Variants in ATP13A2 observed in about 807,000 individuals in gnomAD.
The protein encoded by ATP13A2 is ATPase cation transporting 13A2, also known as polyamine-transporting ATPase 13A2.
In ATP13A2, 83 loss-of-function variants were observed where a neutral mutation model predicts 138.3. That is an observed-to-expected ratio of 0.60 (90% CI 0.50 to 0.72). The LOEUF is 0.72. ATP13A2 is among the 30% of genes least tolerant of loss of function. The pLI is 0.00. For missense variants in ATP13A2, 1,402 were observed against 1,606.4 expected (o/e 0.87, Z 2.17); for synonymous variants, 663 against 699.0 (o/e 0.95, Z 0.81).
In ATP13A2 at chr1:16,986,881, C is replaced by T; in HGVS notation, c.3159G>A (p.Leu1053=). 6.2e-7 allele frequency: 1 copy of T among 1,614,048 alleles called. No homozygotes were observed. Residue 1053 remains leucine, a synonymous_variant, in exon 27 of 29, where the codon CTG becomes CTA. Transcript: ENST00000326735. The surrounding 1 kb of genome is among the most constrained non-coding windows in gnomAD (Gnocchi z 6.9). ...CCAGGATGAGGTACTGGAAGCTGGA[C>T]AGAGAGAAGACCACGGTGTTCTCGT... ...PNYENTVVFS[L]SSFQYLILAA...
At chr1:17,005,331 C>T (rs895814748) in intron 3 of ATP13A2, 43 bp downstream of exon 3, 75 of 1,561,450 alleles carry the variant, frequency 4.8e-5, no homozygotes, top group Non-Finnish European at 6.5e-5. Context: ...CGACCCTGAC[C>T]CTCACTGCGC....
chr1:16,989,853 C>G (rs758449038), intron 22 of ATP13A2, 34 bp downstream of exon 22: 1 of 1,608,876 alleles, frequency 6.2e-7, no homozygotes, highest in Non-Finnish European at 8.5e-7. Flanking sequence ...GCAGGGGAGG[C>G]GCAGGGCGGC....
chr1:17,005,439 G>GCCGCAC lies in ATP13A2; in HGVS notation c.217_222dup (p.Val73_Arg74dup). 1.2e-6 allele frequency: 2 copies of GCCGCAC among 1,614,008 alleles called. No homozygotes were observed. Among genetic ancestry groups the GCCGCAC allele is most frequent in the Non-Finnish European group, 1.7e-6 (2 of 1,179,974 alleles). On this transcript the variant is annotated inframe_insertion, in exon 3 of 29. Transcript: ENST00000326735. ...GCCAGGTTGCAGGGCCGGAGCCGCA[G>GCCGCAC]CCGCACCCCCCACAGGGGCTTCCAA...
intron 1 of ATP13A2, among the ~76,000 whole-genome samples, chr1:17,009,032 G>C (rs2077676939): frequency 6.6e-6 from 1 of 151,822 alleles, no homozygotes; most frequent in Middle Eastern, 3.4e-3. Flanking sequence ...CATCCCTGCG[G>C]TGCTGATTTG....
intron 20 of ATP13A2, 64 bp from the exon 21 acceptor site, chr1:16,990,351 C>T: frequency 6.3e-7 from 1 of 1,591,468 alleles, no homozygotes; most frequent in Middle Eastern, 2.0e-4. Flanking sequence ...CATCCTGATC[C>T]TTACAGATGG....
chr1:16,992,627 CAG>C (rs1214119523), intron 16 of ATP13A2, 46 bp from the exon 17 acceptor site: 4 of 1,597,724 alleles, frequency 2.5e-6, no homozygotes, highest in African/African-American at 1.3e-5. Flanking sequence ...CTTTGGCTCA[CAG>C]AGAGATTTGA....
In ATP13A2 at chr1:16,987,074, C is replaced by A. The variant is rs765075611; in HGVS notation, c.3055G>T (p.Gly1019Cys). 2 of 1,613,302 alleles carry A rather than the reference C, an allele frequency of 1.2e-6. No individual in the cohort carries two copies. The highest frequency in any genetic ancestry group is 2.2e-5 in the East Asian group (1 of 44,876). The change falls in exon 26 of 29, where the codon GGC (glycine) becomes TGC (cysteine). Residue 1019 changes from glycine (G) to cysteine (C), a missense_variant. Transcript: ENST00000326735. ...MVLVTGVQLG[G>C]YFLTLAQPWF... ...GGCTGGGCCAGGGTCAGGAAGTAGC[C>A]CCCTAGCTGCACGCCGGTCACCAGG...
chr1:17,003,585 CCACA>C (rs540533484), intron 6 of ATP13A2, among the ~76,000 whole-genome samples: 1,602 of 133,012 alleles, frequency 0.012, 13 homozygotes, highest in African/African-American at 0.022. Context: ...ACCAAAAAAA[CCACA>C]CACACACACA....
rs1358082680 is a variant in ATP13A2, at chr1:17,002,338, T to C, written c.593A>G (p.His198Arg). 5.6e-6 allele frequency: 9 copies of C among 1,613,100 alleles called. No individual in the cohort carries two copies. Among genetic ancestry groups the C allele is most frequent in the Non-Finnish European group, 7.6e-6 (9 of 1,179,760 alleles). Reference sequence around the variant, plus strand: ...GAGGCTGAGGCCATGGCGGGAGCGGTGGACGTCGTCACAAGAGCGGCCATG... The same window carrying C: ...GAGGCTGAGGCCATGGCGGGAGCGGCGGACGTCGTCACAAGAGCGGCCATG... ...LDHGRSCDDV[H>R]RSRHGLSLQD... The change falls in exon 7 of 29, where the codon CAC becomes CGC. Residue 198 changes from histidine (H) to arginine (R), a missense_variant. Coordinates refer to ENST00000326735, the MANE Select transcript of ATP13A2 (RefSeq NM_022089.4).
At chr1:16,994,935 T>G (rs969663058) in intron 15 of ATP13A2, among the ~76,000 whole-genome samples, 1 of 152,102 alleles carries the variant, frequency 6.6e-6, no homozygotes, top group Non-Finnish European at 1.5e-5. Context: ...GTGCCGGGAT[T>G]CCAGGCATGA....
chr1:16,990,010 G>T lies in ATP13A2; in HGVS notation c.2413-7C>A. 6.2e-7 allele frequency: 1 copy of T among 1,612,364 alleles called. No individual in the cohort carries two copies. The highest frequency in any genetic ancestry group is 8.5e-7 in the Non-Finnish European group (1 of 1,179,132). Reference sequence around the variant, plus strand: ...TTGCAGCCTGGTCAGGATCCTGGGGGCCCAGGAAGCTCAGCTTAGCTCCCC... The same window carrying T: ...TTGCAGCCTGGTCAGGATCCTGGGGTCCCAGGAAGCTCAGCTTAGCTCCCC... On this transcript the variant is annotated splice_region_variant and splice_polypyrimidine_tract_variant and intron_variant, in intron 21 of 28. Coordinates refer to ENST00000326735, the MANE Select transcript of ATP13A2 (RefSeq NM_022089.4).
At chr1:16,994,455 A>G (rs765526900) in intron 15 of ATP13A2, among the ~76,000 whole-genome samples, 6 of 151,570 alleles carry the variant, frequency 4.0e-5, no homozygotes, top group Non-Finnish European at 8.8e-5. Flanking sequence ...CTGGTCTCGA[A>G]CTCCCGACCT....
In ATP13A2 at chr1:16,996,452, G is replaced by A. The variant is rs1311493154; in HGVS notation, c.1240C>T (p.Pro414Ser). 1.2e-6 allele frequency: 2 copies of A among 1,613,988 alleles called. No individual in the cohort carries two copies. Among genetic ancestry groups the A allele is most frequent in the African/African-American group, 2.7e-5 (2 of 74,904 alleles). ...TAGAACTTGAAGTTGATGGGCCGGG[G>A]GTGCAAGATGGAGCTCACCAGGCCC... Reference protein sequence around the residue: ...KGGLVSSILHPRPINFKFYKH... With the variant: ...KGGLVSSILHSRPINFKFYKH... Residue 414 changes from proline to serine, a missense_variant, in exon 13 of 29, where the codon CCC becomes TCC. Coordinates refer to ENST00000326735, the MANE Select transcript of ATP13A2 (RefSeq NM_022089.4).
At position 16,997,414 on chromosome 1, in the gene ATP13A2, C is replaced by CGGGGGGG. The variant is rs1379881479; in HGVS notation, c.1040-246_1040-240dup. On this transcript the variant is annotated intron_variant, in intron 11 of 28. Coordinates refer to ENST00000326735, the MANE Select transcript of ATP13A2 (RefSeq NM_022089.4). ...GTGGCAGCCAGCTCCCTGGAACCAG[C>CGGGGGGG]GGGGGGGGGTGGGTCAGACAGAGCA... Among the ~76,000 whole-genome samples the CGGGGGGG allele has an allele frequency of 4.4e-3, 245 of 55,306 alleles. 1 individual carries two copies. The highest frequency in any genetic ancestry group is 7.9e-3 in the Middle Eastern group (1 of 126). The allele number at this position is 55,306 out of a possible 152,430, so 36.3% of individuals were successfully genotyped here.
At chr1:17,006,400 A>G (rs1461242871) in intron 1 of ATP13A2, among the ~76,000 whole-genome samples, 1 of 151,212 alleles carries the variant, frequency 6.6e-6, no homozygotes, top group Non-Finnish European at 1.5e-5. Context: ...ATAGGCATGC[A>G]CCACCATGCC....
In ATP13A2 at chr1:17,004,795, G is replaced by C. The variant is rs1050244144; in HGVS notation, c.374C>G (p.Ala125Gly). The C allele has an allele frequency of 1.8e-5, 29 of 1,613,840 alleles. No individual in the cohort carries two copies. Among genetic ancestry groups the C allele is most frequent in the Middle Eastern group, 3.3e-4 (2 of 6,084 alleles). Residue 125 changes from alanine (A) to glycine (G), a missense_variant, in exon 5 of 29, where the codon GCA (alanine) becomes GGA (glycine). Physicochemically the swap from Ala to Gly is moderately conservative, Grantham distance 60. Coordinates refer to ENST00000326735, the MANE Select transcript of ATP13A2 (RefSeq NM_022089.4). The surrounding 1 kb of genome is among the most constrained non-coding windows in gnomAD (Gnocchi z 4.1). ...TGCCGCCTGGCTCCGGCCATCCTCT[G>C]CCTGGGACTGTGGGGACGGCTCCAG... ...GSLEPSPQSQ[A>G]EDGRSQAAVG...
intron 1 of ATP13A2, among the ~76,000 whole-genome samples, chr1:17,008,173 C>A (rs113391683): frequency 2.0e-5 from 3 of 152,202 alleles, no homozygotes; most frequent in African/African-American, 7.2e-5. Flanking sequence ...GAGACAGTCT[C>A]TCTCTGTCAC....
rs758939736 is a variant in ATP13A2, at chr1:17,000,511, G to A, written c.729C>T (p.Phe243=). 4 of 1,613,958 alleles carry A rather than the reference G, an allele frequency of 2.5e-6. No individual in the cohort carries two copies. In the African/African-American group the frequency reaches 4.0e-5, roughly 16 times the overall value. ...VDEALNPYYG[F]QAFSIALWLA... ...GCCACAGCGCGATGCTGAAGGCCTG[G>A]AACCCATAGTAGGGGTTCAGTGCCT... Residue 243 remains phenylalanine (F), a synonymous_variant, in exon 9 of 29, where the codon TTC becomes TTT. Transcript: ENST00000326735.
intron 23 of ATP13A2, among the ~76,000 whole-genome samples, chr1:16,989,307 G>C (rs1286412401): frequency 6.6e-6 from 1 of 151,702 alleles, no homozygotes; most frequent in African/African-American, 2.4e-5. Context: ...AGCCTCCCAG[G>C]CTCAAGCAAC....
Sources: gnomAD v4.1 joint callset for allele counts (sites outside exome capture counted in the v4.1 genomes callset) on GRCh38, gnomAD v4.1.1 for gene constraint, Gnocchi (gnomAD v3.1) non-coding constraint, MANE v1.5 for transcripts, NCBI Gene and HGNC (gene_info 2026-07-23, HGNC 2026-07-21) for gene names.